The following KLHL1 variants were observed in gnomAD, a reference collection of about 807,000 sequenced individuals.
KLHL1 encodes kelch-like protein 1.
In KLHL1, 47 loss-of-function variants were observed where a neutral mutation model predicts 77.7. That is an observed-to-expected ratio of 0.60 (90% CI 0.48 to 0.77). The LOEUF is 0.77. Among genes scored for constraint, KLHL1 ranks in the 30% least tolerant of loss-of-function variants. The pLI is 0.00. For synonymous variants in KLHL1, 360 were observed against 325.2 expected (o/e 1.11, Z -1.15); for missense variants, 925 against 910.8 (o/e 1.02, Z -0.20).
intron 3 of KLHL1, among the ~76,000 whole-genome samples, chr13:69,960,291 TG>T (rs1884025058): frequency 1.1e-5 from 1 of 89,930 alleles, no homozygotes; most frequent in Non-Finnish European, 2.5e-5. Flanking sequence ...GCAGAAATGC[TG>T]TAAAAAATAA....
intron 7 of KLHL1, among the ~76,000 whole-genome samples, chr13:69,775,585 G>T (rs1048539859): frequency 2.0e-5 from 3 of 152,072 alleles, no homozygotes; most frequent in Non-Finnish European, 4.4e-5. Context: ...ATGGAGAAGG[G>T]TCATTTGATT....
intron 3 of KLHL1, among the ~76,000 whole-genome samples, chr13:69,949,499 T>C (rs902754490): frequency 3.3e-5 from 5 of 151,836 alleles, no homozygotes; most frequent in Non-Finnish European, 7.4e-5. Flanking sequence ...GTCATCTTGA[T>C]CACGTGCGGA....
At chr13:69,938,815 T>A (rs1883261294) in intron 4 of KLHL1, among the ~76,000 whole-genome samples, 1 of 152,094 alleles carries the variant, frequency 6.6e-6, no homozygotes, top group African/African-American at 2.4e-5. Context: ...TTTCATTTAA[T>A]TTAGTAATCT....
chr13:70,038,893 A>C (rs1463681279), intron 1 of KLHL1, among the ~76,000 whole-genome samples: 1 of 151,806 alleles, frequency 6.6e-6, no homozygotes, highest in Non-Finnish European at 1.5e-5. Context: ...GCCCGGCCCT[A>C]AAGTTGGTTG....
intron 7 of KLHL1, among the ~76,000 whole-genome samples, chr13:69,759,034 G>T (rs1314529064): frequency 1.3e-5 from 2 of 152,072 alleles, no homozygotes; most frequent in Admixed American, 6.6e-5. Context: ...TAAGGGCAGG[G>T]ATTGTCTATG....
intron 3 of KLHL1, among the ~76,000 whole-genome samples, chr13:69,948,953 T>C (rs138047929): frequency 0.01 from 1,565 of 152,062 alleles, 27 homozygotes; most frequent in African/African-American, 0.035. Flanking sequence ...AATGTCACTC[T>C]AGAAATTCAA....
chr13:70,055,065 A>G (rs1305928701), intron 1 of KLHL1, among the ~76,000 whole-genome samples: 1 of 152,120 alleles, frequency 6.6e-6, no homozygotes, highest in East Asian at 1.9e-4. Context: ...AATATTAAAC[A>G]ACAAGAAAGT....
At chr13:70,066,968 G>C (rs952868767) in intron 1 of KLHL1, among the ~76,000 whole-genome samples, 1 of 152,168 alleles carries the variant, frequency 6.6e-6, no homozygotes, top group African/African-American at 2.4e-5. Flanking sequence ...TAAGTCTTTA[G>C]TGTTTTAAGT....
At chr13:69,995,903 A>G (rs1028907912) in intron 1 of KLHL1, among the ~76,000 whole-genome samples, 7 of 152,148 alleles carry the variant, frequency 4.6e-5, no homozygotes, top group Admixed American at 1.3e-4. Context: ...AGTCAGGTGT[A>G]TTAAGAAAGA....
At chr13:70,096,243 T>C (rs2137448423) in intron 1 of KLHL1, among the ~76,000 whole-genome samples, 1 of 152,160 alleles carries the variant, frequency 6.6e-6, no homozygotes, top group East Asian at 1.9e-4. Flanking sequence ...GGTAGTTCTA[T>C]TTTTAGTTTT....
At chr13:70,105,474 T>C (rs1195015603) in intron 1 of KLHL1, among the ~76,000 whole-genome samples, 2 of 151,490 alleles carry the variant, frequency 1.3e-5, no homozygotes, top group African/African-American at 4.8e-5. Context: ...TAGGAGCTTA[T>C]TCAAAGAATT....
intron 1 of KLHL1, among the ~76,000 whole-genome samples, chr13:70,084,851 A>G (rs557346686): frequency 6.6e-6 from 1 of 152,032 alleles, no homozygotes; most frequent in East Asian, 1.9e-4. Flanking sequence ...TTTTGTTCAC[A>G]GATTCTGTTT....
chr13:69,905,338 G>A (rs1053032838), intron 4 of KLHL1, among the ~76,000 whole-genome samples: 1 of 152,146 alleles, frequency 6.6e-6, no homozygotes, highest in African/African-American at 2.4e-5. Context: ...TTTAAAAATT[G>A]TATGTCAATA....
intron 5 of KLHL1, among the ~76,000 whole-genome samples, chr13:69,860,840 T>C (rs917634584): frequency 4.6e-5 from 7 of 151,542 alleles, no homozygotes; most frequent in Non-Finnish European, 1.0e-4. Context: ...TAGATATCTT[T>C]AGAATTACAT....
intron 1 of KLHL1, among the ~76,000 whole-genome samples, chr13:70,066,584 C>T (rs577941972): frequency 6.6e-6 from 1 of 152,196 alleles, no homozygotes; most frequent in Non-Finnish European, 1.5e-5. Context: ...GCCATGGATT[C>T]ATAGTCCTTC....
intron 1 of KLHL1, among the ~76,000 whole-genome samples, chr13:70,046,740 CT>C (rs1031722150): frequency 1.2e-4 from 18 of 152,082 alleles, no homozygotes; most frequent in Non-Finnish European, 1.8e-4. Flanking sequence ...TCTCAAACTC[CT>C]GGCCTCAAGT....
chr13:69,758,781 T>G (rs536788745), intron 7 of KLHL1, among the ~76,000 whole-genome samples: 284 of 152,228 alleles, frequency 1.9e-3, no homozygotes, highest in African/African-American at 6.4e-3. Flanking sequence ...AGCTTTTCCA[T>G]AGCATATAAA....
At chr13:70,048,570 G>A (rs766069437) in intron 1 of KLHL1, among the ~76,000 whole-genome samples, 12 of 152,188 alleles carry the variant, frequency 7.9e-5, no homozygotes, top group Non-Finnish European at 1.6e-4. Flanking sequence ...TTTTTCCACA[G>A]ATGGCAGGCT....
At chr13:70,001,646 A>ATATC (rs146079740) in intron 1 of KLHL1, among the ~76,000 whole-genome samples, 1 of 129,418 alleles carries the variant, frequency 7.7e-6, no homozygotes, top group Non-Finnish European at 1.6e-5. Flanking sequence ...AAACATTGGG[A>ATATC]TATCTATCTA....
Sources: allele counts gnomAD v4.1 joint callset (sites outside exome capture counted in the v4.1 genomes callset), GRCh38; gene constraint gnomAD v4.1.1; transcripts MANE v1.5; gene names NCBI Gene and HGNC (gene_info 2026-07-23, HGNC 2026-07-21).